The following SLC24A2 variants were observed in gnomAD, a reference collection of about 807,000 sequenced individuals.
SLC24A2 encodes the protein sodium/potassium/calcium exchanger 2.
In SLC24A2, 36 loss-of-function variants were observed where a neutral mutation model predicts 62.0. The observed-to-expected ratio is 0.58, with a 90% CI of 0.44 to 0.77. The LOEUF (loss-of-function observed/expected upper bound fraction) is 0.77. SLC24A2 is among the 30% of genes least tolerant of loss of function. SLC24A2 has a pLI of 0.00. For synonymous variants in SLC24A2, 358 were observed against 294.0 expected, an observed-to-expected ratio of 1.22 and a Z score of -2.23; for missense variants, 846 against 817.9, an observed-to-expected ratio of 1.03 and a Z score of -0.42.
chr9:19,615,669 T>C (rs1817748215), intron 4 of SLC24A2, among the ~76,000 whole-genome samples: 2 of 152,204 alleles, frequency 1.3e-5, no homozygotes, highest in Admixed American at 1.3e-4. Flanking sequence ...TTCACACCAC[T>C]GTAGCCTCCC....
At chr9:19,861,268 G>A in the SLC24A2 span, among the ~76,000 whole-genome samples, 1 of 152,190 alleles carries the variant, frequency 6.6e-6, no homozygotes, top group Admixed American at 6.5e-5. Context: ...TTGGGAAAAA[G>A]TAAGAGAAGA....
chr9:20,102,663 G>C, the SLC24A2 span, among the ~76,000 whole-genome samples: 94 of 148,442 alleles, frequency 6.3e-4, no homozygotes, highest in African/African-American at 2.1e-3. Flanking sequence ...AAAATGCACT[G>C]CAAAAAAAAA....
At chr9:20,124,210 GC>G in the SLC24A2 span, among the ~76,000 whole-genome samples, 2 of 151,980 alleles carry the variant, frequency 1.3e-5, no homozygotes, top group Non-Finnish European at 2.9e-5. Flanking sequence ...TTGGCAAAGT[GC>G]CATGTATGTA....
chr9:19,742,201 T>G (rs901062120), intron 2 of SLC24A2, among the ~76,000 whole-genome samples: 5 of 152,184 alleles, frequency 3.3e-5, no homozygotes, highest in African/African-American at 4.8e-5. Context: ...GAAAAGCAGA[T>G]GAGAGGAAAG....
the SLC24A2 span, among the ~76,000 whole-genome samples, chr9:20,298,784 A>T: frequency 6.6e-6 from 1 of 152,246 alleles, no homozygotes; most frequent in Admixed American, 6.5e-5. Context: ...TGAGGATCTG[A>T]GGCAAGAGAG....
the SLC24A2 span, among the ~76,000 whole-genome samples, chr9:20,011,893 A>C: frequency 6.6e-5 from 10 of 152,236 alleles, no homozygotes; most frequent in African/African-American, 2.4e-4. Flanking sequence ...AACATATGCA[A>C]ACCAGCAAAT....
the SLC24A2 span, among the ~76,000 whole-genome samples, chr9:19,937,990 A>G: frequency 2.0e-5 from 3 of 152,246 alleles, no homozygotes; most frequent in Non-Finnish European, 1.5e-5. Flanking sequence ...AAAACAGAAC[A>G]GTATAAAAAC....
At chr9:20,299,432 G>T in the SLC24A2 span, among the ~76,000 whole-genome samples, 5 of 152,210 alleles carry the variant, frequency 3.3e-5, 1 homozygote, top group African/African-American at 1.2e-4. Flanking sequence ...AGTGAATCCA[G>T]GAAGAAGCCA....
rs1476444331 is a variant in SLC24A2, at chr9:19,573,442, C to T, written c.1256G>A (p.Ser419Asn). 1.2e-6 allele frequency: 2 copies of T among 1,610,064 alleles called. No homozygotes were observed. The highest frequency in any genetic ancestry group is 1.7e-6 in the Non-Finnish European group (2 of 1,178,142). Reference sequence around the variant, plus strand: ...GGATGGTGTCATTTCAACATCTGTGCTGGTGCTGTTTGGAAGCTCAATTTT... The same window carrying T: ...GGATGGTGTCATTTCAACATCTGTGTTGGTGCTGTTTGGAAGCTCAATTTT... The part of the protein sequence containing the change: ...VEKIELPNST[S>N]TDVEMTPSSD... Residue 419 changes from serine to asparagine, a missense_variant, in exon 7 of 11, where the codon AGC (serine) becomes AAC (asparagine). Physicochemically the swap from Ser to Asn is conservative, Grantham distance 46. Transcript: ENST00000341998.
the SLC24A2 span, among the ~76,000 whole-genome samples, chr9:20,068,759 G>C: frequency 2.0e-5 from 3 of 152,146 alleles, no homozygotes; most frequent in Non-Finnish European, 4.4e-5. Context: ...GGGCTGAAAG[G>C]AGGTAGCAAT....
chr9:19,648,388 C>A (rs964681226), intron 2 of SLC24A2, among the ~76,000 whole-genome samples: 1 of 152,148 alleles, frequency 6.6e-6, no homozygotes, highest in Non-Finnish European at 1.5e-5. Context: ...ACCCCTAAAT[C>A]CCCTGAAATC....
At chr9:19,792,447 C>A (rs1292730870), upstream of SLC24A2, among the ~76,000 whole-genome samples, 1 of 149,492 alleles carries the variant, frequency 6.7e-6, no homozygotes, top group African/African-American at 2.5e-5. Context: ...TTAATCCCAG[C>A]ACTTTAGGAG....
intron 2 of SLC24A2, among the ~76,000 whole-genome samples, chr9:19,748,941 G>T (rs1349851343): frequency 1.3e-5 from 2 of 151,754 alleles, no homozygotes; most frequent in Non-Finnish European, 2.9e-5. Context: ...GGAACAGGTT[G>T]CTGTACCAGA....
At chr9:20,202,476 T>G in the SLC24A2 span, among the ~76,000 whole-genome samples, 1 of 152,154 alleles carries the variant, frequency 6.6e-6, no homozygotes, top group Non-Finnish European at 1.5e-5. Context: ...CCACCCAGAA[T>G]TCAGTGAGGC....
intron 4 of SLC24A2, among the ~76,000 whole-genome samples, chr9:19,610,265 TA>T (rs1335465716): frequency 3.3e-5 from 5 of 152,102 alleles, no homozygotes; most frequent in Admixed American, 3.3e-4. Context: ...CCACAGAAAA[TA>T]AGTAAGAACC....
At chr9:19,692,915 C>T (rs1246239410) in intron 2 of SLC24A2, among the ~76,000 whole-genome samples, 1 of 152,048 alleles carries the variant, frequency 6.6e-6, no homozygotes. Flanking sequence ...AGCTTCAGAT[C>T]CAAAAAATAC....
chr9:19,755,684 T>C (rs1008516818), intron 2 of SLC24A2, among the ~76,000 whole-genome samples: 24 of 152,142 alleles, frequency 1.6e-4, no homozygotes, highest in African/African-American at 5.8e-4. Flanking sequence ...CAAGCTATTT[T>C]AGCAAAGCAA....
chr9:19,866,552 A>G, the SLC24A2 span, among the ~76,000 whole-genome samples: 1 of 152,098 alleles, frequency 6.6e-6, no homozygotes, highest in Admixed American at 6.5e-5. Context: ...ATTTGCAACA[A>G]CATGGATGAA....
chr9:19,731,516 C>CCGTGTGT lies in SLC24A2; in HGVS notation c.930+54420_930+54421insACACACG, dbSNP rs72153360. 6.3e-3 allele frequency among the ~76,000 whole-genome samples: 722 copies of CCGTGTGT among 113,818 alleles called. 2 individuals are homozygous for CCGTGTGT. The highest frequency in any genetic ancestry group is 0.011 in the Admixed American group (118 of 10,276). 74.7% of individuals were successfully genotyped at this position (113,818 alleles called of 152,430 possible). A position where few individuals can be genotyped will look rare whatever the true frequency, so the allele number is the denominator to read the frequency against. ...ACTTGTTTCTCTCTCTCTCTCTCTC[C>CCGTGTGT]GTGTGTGTGTGTGTGTGTGTGTGTG... On this transcript the variant is annotated intron_variant, in intron 2 of 10. Coordinates refer to ENST00000341998, the MANE Select transcript of SLC24A2 (RefSeq NM_020344.4).
Sources: gnomAD v4.1 joint callset for allele counts (sites outside exome capture counted in the v4.1 genomes callset) on GRCh38, gnomAD v4.1.1 for gene constraint, MANE v1.5 for transcripts, NCBI Gene and HGNC (gene_info 2026-07-23, HGNC 2026-07-21) for gene names.